STAG1: variants seen among roughly 807,000 people sequenced by gnomAD.
STAG1 encodes STAG1 cohesin complex component, also known as cohesin subunit SA-1.
In STAG1, 26 loss-of-function variants were observed where a neutral mutation model predicts 170.9. The ratio of observed to expected loss-of-function variants is 0.15; its 90% CI spans 0.11 to 0.21. The LOEUF (loss-of-function observed/expected upper bound fraction) is 0.21. STAG1 is among the 10% of genes least tolerant of loss of function. STAG1 has a pLI of 1.00. For missense variants in STAG1, 964 were observed against 1,509.5 expected (o/e 0.64, Z 5.99); for synonymous variants, 514 against 497.7 (o/e 1.03, Z -0.44).
At chr3:136,352,129 C>G (rs1006117367) in intron 28 of STAG1, among the ~76,000 whole-genome samples, 2 of 151,854 alleles carry the variant, frequency 1.3e-5, no homozygotes, top group East Asian at 3.9e-4. Flanking sequence ...ATTATTATTT[C>G]AAAAGATATC....
intron 1 of STAG1, among the ~76,000 whole-genome samples, chr3:136,666,327 G>A (rs1265636220): frequency 6.6e-6 from 1 of 152,028 alleles, no homozygotes; most frequent in African/African-American, 2.4e-5. Flanking sequence ...CTTAAGCAGA[G>A]ACCTTGCCTA....
At chr3:136,660,834 T>C (rs1941553492) in intron 1 of STAG1, among the ~76,000 whole-genome samples, 1 of 151,982 alleles carries the variant, frequency 6.6e-6, no homozygotes, top group Admixed American at 6.6e-5. Flanking sequence ...CCAGGTATAG[T>C]GGTACACGCC....
chr3:136,479,844 T>C (rs1297799167), intron 9 of STAG1, among the ~76,000 whole-genome samples: 2 of 5,708 alleles, frequency 3.5e-4, no homozygotes, highest in African/African-American at 1.0e-3. Context: ...ATGAGCATTT[T>C]TTCATGTGTT....
intron 1 of STAG1, among the ~76,000 whole-genome samples, chr3:136,747,125 T>C (rs1216864891): frequency 4.6e-4 from 35 of 76,636 alleles, no homozygotes; most frequent in African/African-American, 2.2e-3. Flanking sequence ...AAAAAAAAAT[T>C]AGCCGGGCAT....
intron 25 of STAG1, among the ~76,000 whole-genome samples, chr3:136,366,612 A>G (rs1937081982): frequency 6.6e-6 from 1 of 152,182 alleles, no homozygotes; most frequent in Non-Finnish European, 1.5e-5. Flanking sequence ...AGGCAAATAC[A>G]GGAAAACTGA....
At chr3:136,455,886 CTCCAGTACTAAGAG>C (rs2089098162) in intron 13 of STAG1, among the ~76,000 whole-genome samples, 1 of 152,144 alleles carries the variant, frequency 6.6e-6, no homozygotes, top group African/African-American at 2.4e-5. Flanking sequence ...AGTGTTTAAG[CTCCAGTACTAAGAG>C]TCTTCACCAG....
At chr3:136,577,139 G>A (rs1937494115) in intron 4 of STAG1, among the ~76,000 whole-genome samples, 1 of 152,204 alleles carries the variant, frequency 6.6e-6, no homozygotes, top group African/African-American at 2.4e-5. Context: ...AATTATGGCT[G>A]TAAAGGCAGC....
chr3:136,393,185 T>C (rs1466059911), intron 22 of STAG1, among the ~76,000 whole-genome samples: 1 of 152,158 alleles, frequency 6.6e-6, no homozygotes, highest in Admixed American at 6.6e-5. Context: ...AAATATTAAA[T>C]ACATTTAACA....
intron 4 of STAG1, among the ~76,000 whole-genome samples, chr3:136,593,421 T>C (rs1012596096): frequency 1.1e-4 from 17 of 152,204 alleles, no homozygotes; most frequent in African/African-American, 3.4e-4. Context: ...CAGAGGGTGC[T>C]TGGAATAAAG....
intron 28 of STAG1, 44 bp downstream of exon 28, chr3:136,357,676 C>A: frequency 6.7e-7 from 1 of 1,490,776 alleles, no homozygotes; most frequent in Non-Finnish European, 9.0e-7. Context: ...ACATTTACAA[C>A]AGTATTATTA....
At chr3:136,620,339 A>G (rs542406926) in intron 3 of STAG1, among the ~76,000 whole-genome samples, 75 of 152,328 alleles carry the variant, frequency 4.9e-4, no homozygotes, top group Non-Finnish European at 3.2e-4. Flanking sequence ...AATGTCCAAT[A>G]TTTCTTCATA....
chr3:136,489,221 T>A (rs1415593445), intron 9 of STAG1, among the ~76,000 whole-genome samples: 1 of 152,212 alleles, frequency 6.6e-6, no homozygotes, highest in Non-Finnish European at 1.5e-5. Context: ...GAAAAACTTA[T>A]CTAATTATTG....
chr3:136,722,891 G>T (rs991715517), intron 1 of STAG1, among the ~76,000 whole-genome samples: 1 of 152,142 alleles, frequency 6.6e-6, no homozygotes, highest in Non-Finnish European at 1.5e-5. Flanking sequence ...ACGGGGTTTC[G>T]CTGTGTTGGC....
intron 9 of STAG1, among the ~76,000 whole-genome samples, chr3:136,495,368 G>C (rs185698903): frequency 6.2e-4 from 95 of 152,162 alleles, no homozygotes; most frequent in African/African-American, 2.2e-3. Flanking sequence ...AAACACAGAA[G>C]AAATCTTAGG....
At chr3:136,476,939 T>A (rs2107820490) in intron 10 of STAG1, among the ~76,000 whole-genome samples, 1 of 152,144 alleles carries the variant, frequency 6.6e-6, no homozygotes, top group East Asian at 1.9e-4. Context: ...CCTAGAAAAT[T>A]TTTTTTAAAA....
intron 1 of STAG1, among the ~76,000 whole-genome samples, chr3:136,690,411 A>G (rs577750672): frequency 1.6e-4 from 24 of 152,226 alleles, no homozygotes; most frequent in Admixed American, 3.9e-4. Flanking sequence ...TAATTTTTGT[A>G]TTTTTAGTAG....
chr3:136,623,021 A>G, intron 3 of STAG1, 125 bp downstream of exon 3: 1 of 740,510 alleles, frequency 1.4e-6, no homozygotes, highest in Non-Finnish European at 2.2e-6. Context: ...AAAAGTTTCC[A>G]ATCTCTATTG....
chr3:136,477,632 C>T (rs543132283), intron 9 of STAG1, among the ~76,000 whole-genome samples: 1 of 151,988 alleles, frequency 6.6e-6, no homozygotes, highest in East Asian at 1.9e-4. Flanking sequence ...CTATTTTGAC[C>T]CAATTACTCT....
chr3:136,367,531 A>G (rs927488374), intron 24 of STAG1, among the ~76,000 whole-genome samples: 1 of 152,120 alleles, frequency 6.6e-6, no homozygotes, highest in Non-Finnish European at 1.5e-5. Context: ...TACTTGTGTC[A>G]TAACAATACT....
Sources: gnomAD v4.1 joint callset for allele counts (sites outside exome capture counted in the v4.1 genomes callset) on GRCh38, gnomAD v4.1.1 for gene constraint, MANE v1.5 for transcripts, NCBI Gene and HGNC (gene_info 2026-07-23, HGNC 2026-07-21) for gene names.